WDPCP: variants seen among roughly 807,000 people sequenced by gnomAD.
WDPCP encodes WD repeat containing planar cell polarity effector.
In WDPCP, 71 loss-of-function variants were observed where a neutral mutation model predicts 93.1. That is an observed-to-expected ratio of 0.76 (90% confidence interval 0.63 to 0.93). The LOEUF (loss-of-function observed/expected upper bound fraction) is 0.93. WDPCP is among the 40% of genes least tolerant of loss of function. WDPCP has a pLI of 0.00. For synonymous variants in WDPCP, 315 were observed against 315.0 expected, an observed-to-expected ratio of 1.00 and a Z score of 0.00; for missense variants, 844 against 887.4, an observed-to-expected ratio of 0.95 and a Z score of 0.62.
At chr2:63,313,886 A>ATGTGTGTGTGTATATATATATATATAT in intron 12 of WDPCP, among the ~76,000 whole-genome samples, 1 of 74,502 alleles carries the variant, frequency 1.3e-5, no homozygotes, top group African/African-American at 5.2e-5. Context: ...ATATATATAT[A>ATGTGTGTGTGTATATATATATATATAT]TTTTTTTTTT....
chr2:63,464,163 CA>C (rs1208202663), intron 6 of WDPCP, among the ~76,000 whole-genome samples: 1 of 151,960 alleles, frequency 6.6e-6, no homozygotes, highest in Non-Finnish European at 1.5e-5. Context: ...TACAATTCAA[CA>C]ACGAAAAAAT....
At chr2:63,522,455 G>GACAGACACACACACAC (rs578104206) in intron 1 of WDPCP, among the ~76,000 whole-genome samples, 1 of 127,216 alleles carries the variant, frequency 7.9e-6, no homozygotes, top group Non-Finnish European at 1.6e-5. Context: ...CAGACAGACA[G>GACAGACACACACACAC]ACACACACAC....
intron 3 of WDPCP, among the ~76,000 whole-genome samples, chr2:63,626,013 G>A (rs1379322145): frequency 6.6e-6 from 1 of 152,112 alleles, no homozygotes; most frequent in African/African-American, 2.4e-5. Context: ...GAACAGAACT[G>A]AGGCCTTAGA....
intron 12 of WDPCP, among the ~76,000 whole-genome samples, chr2:63,323,308 T>C (rs532415415): frequency 1.1e-4 from 16 of 152,304 alleles, no homozygotes; most frequent in African/African-American, 3.8e-4. Context: ...TTTTCTAGTT[T>C]CTCCTATAAG....
At chr2:63,684,015 A>G (rs1344850523) in intron 2 of WDPCP, among the ~76,000 whole-genome samples, 1 of 152,184 alleles carries the variant, frequency 6.6e-6, no homozygotes, top group Non-Finnish European at 1.5e-5. Flanking sequence ...CCCTAATACA[A>G]TGATAGCCGG....
At chr2:63,806,016 AG>A (rs1159474935) in intron 2 of WDPCP, among the ~76,000 whole-genome samples, 1 of 152,154 alleles carries the variant, frequency 6.6e-6, no homozygotes, top group Non-Finnish European at 1.5e-5. Context: ...GGGCAGCCTG[AG>A]GTGAGAGAAT....
At chr2:63,193,403 C>G (rs898188051) in intron 14 of WDPCP, among the ~76,000 whole-genome samples, 30 of 152,148 alleles carry the variant, frequency 2.0e-4, no homozygotes, top group African/African-American at 7.2e-4. Flanking sequence ...GAAAATAGAT[C>G]AAGAGAGCAA....
chr2:63,315,092 T>C (rs532411597), intron 12 of WDPCP, among the ~76,000 whole-genome samples: 5 of 152,244 alleles, frequency 3.3e-5, no homozygotes, highest in South Asian at 2.1e-4. Flanking sequence ...AAGTAAATCA[T>C]AGGACTATGA....
intron 1 of WDPCP, among the ~76,000 whole-genome samples, chr2:63,562,528 A>T (rs992568226): frequency 6.6e-6 from 1 of 152,206 alleles, no homozygotes; most frequent in African/African-American, 2.4e-5. Context: ...TTTAAAAATA[A>T]TAAAATTTTT....
intron 6 of WDPCP, among the ~76,000 whole-genome samples, chr2:63,470,465 C>G (rs1699627649): frequency 6.6e-6 from 1 of 152,082 alleles, no homozygotes; most frequent in Admixed American, 6.6e-5. Context: ...TTCCTCTATA[C>G]CCCACATTTG....
chr2:63,516,626 T>C (rs1243755935), intron 1 of WDPCP, among the ~76,000 whole-genome samples: 4 of 77,796 alleles, frequency 5.1e-5, no homozygotes, highest in African/African-American at 2.2e-4. Context: ...TTGTCAGCCA[T>C]GTGAATGAGC....
chr2:63,318,380 C>G (rs1228976505), intron 12 of WDPCP, among the ~76,000 whole-genome samples: 1 of 152,130 alleles, frequency 6.6e-6, no homozygotes, highest in African/African-American at 2.4e-5. Context: ...GAACTTAAAA[C>G]AGAACTACTA....
chr2:63,487,017 T>A (rs1700611672), intron 3 of WDPCP, among the ~76,000 whole-genome samples: 1 of 151,994 alleles, frequency 6.6e-6, no homozygotes, highest in African/African-American at 2.4e-5. Context: ...AGAAAGACCT[T>A]TTGGCCCATC....
intron 9 of WDPCP, among the ~76,000 whole-genome samples, chr2:63,428,815 C>T (rs1434967729): frequency 2.6e-5 from 4 of 152,084 alleles, no homozygotes; most frequent in Non-Finnish European, 4.4e-5. Context: ...GAATAAAATG[C>T]CTAAGAAGAC....
chr2:63,140,585 G>A (rs1329722067), intron 17 of WDPCP, among the ~76,000 whole-genome samples: 1 of 151,502 alleles, frequency 6.6e-6, no homozygotes, highest in African/African-American at 2.4e-5. Flanking sequence ...ATTATAAAAG[G>A]GGTTGAGTTC....
chr2:63,689,390 C>G (rs1668858618), intron 2 of WDPCP, among the ~76,000 whole-genome samples: 1 of 152,182 alleles, frequency 6.6e-6, no homozygotes, highest in South Asian at 2.1e-4. Context: ...GTTTTCTCCA[C>G]TGAAAAGCTT....
At chr2:63,318,498 A>G (rs1349917513) in intron 12 of WDPCP, among the ~76,000 whole-genome samples, 1 of 152,246 alleles carries the variant, frequency 6.6e-6, no homozygotes, top group African/African-American at 2.4e-5. Context: ...CACAATAGGA[A>G]GGACATGGAA....
At chr2:63,393,318 A>C in intron 10 of WDPCP, among the ~76,000 whole-genome samples, 1 of 151,666 alleles carries the variant, frequency 6.6e-6, no homozygotes, top group East Asian at 2.0e-4. Flanking sequence ...TCTCACTCAT[A>C]GGTGGGAACT....
intron 9 of WDPCP, among the ~76,000 whole-genome samples, chr2:63,429,142 CCCT>C (rs1233130433): frequency 1.3e-5 from 2 of 152,136 alleles, no homozygotes; most frequent in South Asian, 4.2e-4. Flanking sequence ...AAACTGGAAC[CCCT>C]CCTATCAGCA....
Sources: gnomAD v4.1 joint callset for allele counts (sites outside exome capture counted in the v4.1 genomes callset) on GRCh38, gnomAD v4.1.1 for gene constraint, MANE v1.5 for transcripts, NCBI Gene and HGNC (gene_info 2026-07-23, HGNC 2026-07-21) for gene names.